Variants in PTPRD observed in about 807,000 individuals in gnomAD.
The protein encoded by PTPRD is protein tyrosine phosphatase receptor type D, also known as receptor-type tyrosine-protein phosphatase delta.
In PTPRD, 34 loss-of-function variants were observed where a neutral mutation model predicts 214.5. The ratio of observed to expected loss-of-function variants is 0.16; its 90% CI spans 0.12 to 0.21. PTPRD has a LOEUF of 0.21. Ranked by LOEUF, PTPRD falls within the 10% of genes least tolerant of loss-of-function variation. PTPRD has a pLI of 1.00. For synonymous variants in PTPRD, 1,128 were observed against 845.7 expected, an observed-to-expected ratio of 1.33 and a Z score of -5.79; for missense variants, 2,545 against 2,398.7, an observed-to-expected ratio of 1.06 and a Z score of -1.27.
intron 7 of PTPRD, among the ~76,000 whole-genome samples, chr9:9,653,813 A>T (rs1316851722): frequency 6.6e-6 from 1 of 152,228 alleles, no homozygotes; most frequent in African/African-American, 2.4e-5. Flanking sequence ...TTAACTAAGG[A>T]CACATGGTAT....
At chr9:10,491,451 T>C (rs1477829431) in intron 2 of PTPRD, among the ~76,000 whole-genome samples, 1 of 152,118 alleles carries the variant, frequency 6.6e-6, no homozygotes, top group African/African-American at 2.4e-5. Flanking sequence ...ATAGCAATTA[T>C]AAAGAATCAC....
At chr9:8,358,585 T>C (rs2077548220) in intron 39 of PTPRD, among the ~76,000 whole-genome samples, 1 of 152,170 alleles carries the variant, frequency 6.6e-6, no homozygotes, top group Non-Finnish European at 1.5e-5. Flanking sequence ...AAGTTTTCTA[T>C]GATACTGTCA....
chr9:9,479,384 G>A (rs1256184261), intron 8 of PTPRD, among the ~76,000 whole-genome samples: 1 of 146,110 alleles, frequency 6.8e-6, no homozygotes, highest in Non-Finnish European at 1.5e-5. Context: ...TACACTCATT[G>A]CTGTTTTTGT....
chr9:9,892,574 C>G (rs537150431), intron 5 of PTPRD, among the ~76,000 whole-genome samples: 1 of 152,114 alleles, frequency 6.6e-6, no homozygotes, highest in African/African-American at 2.4e-5. Flanking sequence ...AACATTGGAA[C>G]TAGTAAGATG....
intron 2 of PTPRD, among the ~76,000 whole-genome samples, chr9:10,607,037 A>G (rs1192680254): frequency 1.3e-5 from 2 of 151,934 alleles, no homozygotes; most frequent in African/African-American, 4.8e-5. Flanking sequence ...AATGATTCAT[A>G]CAAGGCATCC....
At chr9:10,111,428 C>G (rs1378320865) in intron 3 of PTPRD, among the ~76,000 whole-genome samples, 1 of 150,900 alleles carries the variant, frequency 6.6e-6, no homozygotes, top group African/African-American at 2.4e-5. Flanking sequence ...TTAGTAGAGA[C>G]GGGGTTTCAC....
In PTPRD at chr9:8,500,922, C is replaced by T. The variant is rs753230834; in HGVS notation, c.1960G>A (p.Gly654Arg). ...ATCTCGTGAGGCTTGTCATCTTCCC[C>T]ATCCACTGCAGTGTACTTGATGGAG... The part of the protein sequence containing the change: ...EYSIKYTAVD[G>R]EDDKPHEILG... Residue 654 changes from glycine (G) to arginine (R), a missense_variant, in exon 24 of 46, where the codon GGG becomes AGG. By Grantham distance (125) the Gly-to-Arg change is moderately radical (BLOSUM62 -2). Transcript: ENST00000381196. 1 of 1,614,086 alleles carries T rather than the reference C, an allele frequency of 6.2e-7. No individual in the cohort carries two copies. Among genetic ancestry groups the T allele is most frequent in the East Asian group, 2.2e-5 (1 of 44,868 alleles).
chr9:9,322,412 A>G (rs1966887116), intron 9 of PTPRD, among the ~76,000 whole-genome samples: 1 of 152,212 alleles, frequency 6.6e-6, no homozygotes, highest in East Asian at 1.9e-4. Context: ...TAAAGTCCAG[A>G]GAGTTTAAAT....
At chr9:8,423,561 T>C (rs2094489482) in intron 35 of PTPRD, among the ~76,000 whole-genome samples, 1 of 152,172 alleles carries the variant, frequency 6.6e-6, no homozygotes, top group Non-Finnish European at 1.5e-5. Context: ...GACTTATAAA[T>C]CATAATTTAT....
chr9:9,067,074 C>G (rs1210354044), intron 10 of PTPRD, among the ~76,000 whole-genome samples: 1 of 152,126 alleles, frequency 6.6e-6, no homozygotes, highest in Non-Finnish European at 1.5e-5. Context: ...AAAACCCTAT[C>G]TCTACTACAA....
chr9:8,735,097 T>G (rs1394283543), intron 11 of PTPRD, among the ~76,000 whole-genome samples: 2 of 151,714 alleles, frequency 1.3e-5, no homozygotes, highest in Non-Finnish European at 2.9e-5. Flanking sequence ...TCAGTAGGTC[T>G]GTGGTGGGGA....
chr9:8,338,865 G>GAGAGAA lies in PTPRD; in HGVS notation c.5379+56_5379+57insTTCTCT. 6.6e-6 allele frequency: 10 copies of GAGAGAA among 1,505,914 alleles called. No individual in the cohort carries two copies. The South Asian group carries it at 1.3e-4, about 20-fold the overall frequency. The allele number at this position is 1,505,914 out of a possible 1,614,324, so 93.3% of individuals were successfully genotyped here. ...CTTCTCCCAGAGAGAGAGAGAGAGA[G>GAGAGAA]GTATCTTAGACTACTTTTCAGCTAA... On this transcript the variant is annotated intron_variant, in intron 43 of 45. Coordinates refer to ENST00000381196, the MANE Select transcript of PTPRD (RefSeq NM_002839.4).
rs191465778 is a variant in PTPRD, at chr9:9,837,857, C to T, written c.-367-71006G>A. ...TATGTATACATGTGCCATGTTGGTG[C>T]GCTGCACCCATTAACTCGTCATTTA... On this transcript the variant is annotated intron_variant, in intron 5 of 45. Coordinates refer to ENST00000381196, the MANE Select transcript of PTPRD (RefSeq NM_002839.4). 4.4e-3 allele frequency among the ~76,000 whole-genome samples: 671 copies of T among 152,084 alleles called. 5 individuals carry two copies. Among genetic ancestry groups the T allele is most frequent in the African/African-American group, 0.015 (623 of 41,484 alleles).
chr9:10,540,317 C>G (rs978320322), intron 2 of PTPRD, among the ~76,000 whole-genome samples: 1 of 152,116 alleles, frequency 6.6e-6, no homozygotes, highest in Non-Finnish European at 1.5e-5. Context: ...CATGAGCCAC[C>G]GGACCCGGGC....
At position 9,175,404 on chromosome 9, in the gene PTPRD, C is replaced by T. The variant is rs539891776; in HGVS notation, c.-143+7900G>A. 4.1e-3 allele frequency among the ~76,000 whole-genome samples: 625 copies of T among 151,884 alleles called. 2 individuals are homozygous for T. The highest frequency in any genetic ancestry group is 0.017 in the Middle Eastern group (5 of 294). On this transcript the variant is annotated intron_variant, in intron 10 of 45. Coordinates refer to ENST00000381196, the MANE Select transcript of PTPRD (RefSeq NM_002839.4). ...TTGGGAGGCCAAGGCAGGTGGATCA[C>T]GAGGTCAGGAGTTCGAGACCAGTCT...
intron 4 of PTPRD, among the ~76,000 whole-genome samples, chr9:10,006,775 T>A (rs1298551116): frequency 6.6e-6 from 1 of 151,934 alleles, no homozygotes; most frequent in African/African-American, 2.4e-5. Context: ...AGAATGCTGG[T>A]CAAAGACTTA....
rs528800861 is a variant in PTPRD at position 9,200,238 on chromosome 9, A to G, written c.-202-16875T>C. 2.7e-4 allele frequency among the ~76,000 whole-genome samples: 41 copies of G among 152,338 alleles called. 1 individual carries two copies. The highest frequency in any genetic ancestry group is 5.9e-4 in the Admixed American group (9 of 15,306). On this transcript the variant is annotated intron_variant, in intron 9 of 45. Coordinates refer to ENST00000381196, the MANE Select transcript of PTPRD (RefSeq NM_002839.4). ...CAGAAATCAGAAAATTTGAGCAAAA[A>G]TCCTGATATCCTACAATGAGAGTCT... is the stretch of plus-strand genomic sequence containing the variant.
intron 12 of PTPRD, among the ~76,000 whole-genome samples, chr9:8,668,961 T>C (rs2097222106): frequency 6.6e-6 from 1 of 152,064 alleles, no homozygotes; most frequent in African/African-American, 2.4e-5. Context: ...CCTCAGCCTG[T>C]CCACCCCTTC....
intron 9 of PTPRD, among the ~76,000 whole-genome samples, chr9:9,183,953 G>A (rs1160117360): frequency 6.6e-6 from 1 of 151,928 alleles, no homozygotes; most frequent in Non-Finnish European, 1.5e-5. Flanking sequence ...CATATAAAAA[G>A]GCACAATGTC....
Sources: gnomAD v4.1 joint callset for allele counts (sites outside exome capture counted in the v4.1 genomes callset) on GRCh38, gnomAD v4.1.1 for gene constraint, MANE v1.5 for transcripts, NCBI Gene and HGNC (gene_info 2026-07-23, HGNC 2026-07-21) for gene names.